The following MYO5B variants were observed in gnomAD, a reference collection of about 807,000 sequenced individuals.
MYO5B encodes unconventional myosin-Vb.
Under a neutral mutation model 229.3 loss-of-function variants are expected in MYO5B, and 143 were observed. That is an observed-to-expected ratio of 0.62 (90% confidence interval 0.54 to 0.72). MYO5B has a LOEUF of 0.72. Ranked by LOEUF, MYO5B falls within the 30% of genes least tolerant of loss-of-function variation. The pLI, the probability that MYO5B is intolerant of heterozygous loss-of-function variation, is 0.00. For missense variants in MYO5B, 2,321 were observed against 2,331.0 expected (o/e 1.00, Z 0.09); for synonymous variants, 918 against 885.2 (o/e 1.04, Z -0.66).
chr18:49,909,809 G>A (rs930192849), intron 18 of MYO5B, among the ~76,000 whole-genome samples: 1 of 152,216 alleles, frequency 6.6e-6, no homozygotes, highest in Non-Finnish European at 1.5e-5. Flanking sequence ...GCAGGCAAAA[G>A]AGGGGAAAAA....
intron 38 of MYO5B, 34 bp downstream of exon 38, chr18:49,836,677 A>C: frequency 6.2e-7 from 1 of 1,613,244 alleles, no homozygotes; most frequent in Non-Finnish European, 8.5e-7. Flanking sequence ...CTTCCTTGGA[A>C]TACCATGTTG....
intron 2 of MYO5B, among the ~76,000 whole-genome samples, chr18:50,052,893 A>G (rs760061039): frequency 6.6e-6 from 1 of 152,154 alleles, no homozygotes; most frequent in Non-Finnish European, 1.5e-5. Context: ...GAGGTTAGGA[A>G]TATCATTGTC....
intron 39 of MYO5B, among the ~76,000 whole-genome samples, chr18:49,827,794 G>T (rs1033324789): frequency 6.6e-6 from 1 of 151,848 alleles, no homozygotes; most frequent in Non-Finnish European, 1.5e-5. Context: ...CAAATCTGAT[G>T]AAAGACATGT....
At chr18:50,123,307 C>T (rs372882308) in intron 1 of MYO5B, among the ~76,000 whole-genome samples, 89 of 152,248 alleles carry the variant, frequency 5.8e-4, no homozygotes, top group African/African-American at 2.0e-3. Context: ...TACAGGTCTC[C>T]TTTGTGGGTT....
chr18:50,017,948 C>T lies in MYO5B; in HGVS notation c.456-16537G>A, dbSNP rs143930104. 2.8e-3 allele frequency among the ~76,000 whole-genome samples: 430 copies of T among 152,234 alleles called. 1 individual carries two copies. The highest frequency in any genetic ancestry group is 4.7e-3 in the Non-Finnish European group (323 of 68,016). ...TTCAAGTGTACTTTAAACACAGAAA[C>T]GAATTTAGGGATTTAAATATGATTA... On this transcript the variant is annotated intron_variant, in intron 4 of 39. Transcript: ENST00000285039.
intron 1 of MYO5B, among the ~76,000 whole-genome samples, chr18:50,068,763 C>A (rs1164701490): frequency 6.6e-6 from 1 of 152,170 alleles, no homozygotes; most frequent in African/African-American, 2.4e-5. Flanking sequence ...AATAGCAAAA[C>A]GGCATTGGAC....
At chr18:50,034,612 C>G (rs2026428090) in intron 4 of MYO5B, among the ~76,000 whole-genome samples, 2 of 152,230 alleles carry the variant, frequency 1.3e-5, no homozygotes, top group South Asian at 4.1e-4. Context: ...GGTGTGGTGG[C>G]AGGCACCTAT....
rs184318358 is a variant in MYO5B at position 50,077,094 on chromosome 18, G to A, written c.28-21716C>T. Among the ~76,000 whole-genome samples, 173 of 137,842 alleles carry A rather than the reference G, an allele frequency of 1.3e-3. No homozygotes were observed. In the East Asian group the frequency reaches 0.02, roughly 16 times the overall value. 90.4% of individuals were successfully genotyped at this position (137,842 alleles called of 152,430 possible). ...AGGATGCCCTTGTTAAAATGTCTTC[G>A]TTTTTAAGAAACAGAATGGGGATAG... is the stretch of plus-strand genomic sequence containing the variant. On this transcript the variant is annotated intron_variant, in intron 1 of 39. Coordinates refer to ENST00000285039, the MANE Select transcript of MYO5B (RefSeq NM_001080467.3).
intron 1 of MYO5B, among the ~76,000 whole-genome samples, chr18:50,174,963 A>G (rs901066448): frequency 2.6e-5 from 4 of 152,174 alleles, no homozygotes; most frequent in African/African-American, 9.7e-5. Context: ...GAGGAGTCTG[A>G]GGGCAGCCAG....
chr18:50,139,855 C>T (rs553269729), intron 1 of MYO5B, among the ~76,000 whole-genome samples: 3 of 152,324 alleles, frequency 2.0e-5, no homozygotes, highest in African/African-American at 7.2e-5. Flanking sequence ...AATACTTTTG[C>T]ACCAACCTAA....
chr18:50,077,508 C>A (rs931280562), intron 1 of MYO5B, among the ~76,000 whole-genome samples: 45 of 112,616 alleles, frequency 4.0e-4, no homozygotes, highest in African/African-American at 2.3e-3. Flanking sequence ...CACAAACACA[C>A]ACACACACAC....
intron 38 of MYO5B, among the ~76,000 whole-genome samples, chr18:49,835,863 C>A (rs1165876496): frequency 6.6e-6 from 1 of 152,170 alleles, no homozygotes; most frequent in African/African-American, 2.4e-5. Flanking sequence ...AGTATTTGAA[C>A]AGGAGATACT....
At chr18:50,170,634 C>A (rs1483468980) in intron 1 of MYO5B, among the ~76,000 whole-genome samples, 1 of 126,554 alleles carries the variant, frequency 7.9e-6, no homozygotes, top group Non-Finnish European at 1.7e-5. Flanking sequence ...CCATTTAACA[C>A]ATAAGAAAAA....
At chr18:50,130,901 A>G (rs1002098240) in intron 1 of MYO5B, among the ~76,000 whole-genome samples, 11 of 152,100 alleles carry the variant, frequency 7.2e-5, no homozygotes, top group African/African-American at 2.7e-4. Flanking sequence ...TATCACCCTA[A>G]CCAAGCTCCT....
chr18:49,906,620 T>C lies in MYO5B; in HGVS notation c.2213A>G (p.Lys738Arg), dbSNP rs779113043. ...GATCTTGGTGCGGCCAAACTGGAAC[T>C]TGTCGGGGTCCTTTACAAGGTAGGG... is the stretch of plus-strand genomic sequence containing the variant. ...VLENLIKDPD[K>R]FQFGRTKIFF... Residue 738 changes from lysine (K) to arginine (R), a missense_variant, in exon 19 of 40, where the codon AAG becomes AGG. By Grantham distance (26) the Lys-to-Arg change is conservative (BLOSUM62 2). Around this residue, in one of 2 missense-constraint regions of MYO5B, gnomAD observed 2,113 missense variants for 2,044.7 expected, o/e 1.03. Coordinates refer to ENST00000285039, the MANE Select transcript of MYO5B (RefSeq NM_001080467.3). 6.2e-7 allele frequency: 1 copy of C among 1,613,772 alleles called. No homozygotes were observed. The highest frequency in any genetic ancestry group is 1.7e-5 in the Admixed American group (1 of 59,998).
At chr18:49,839,407 GCCCT>G (rs1252726908) in intron 35 of MYO5B, 113 bp from the exon 36 acceptor site, 16 of 1,175,798 alleles carry the variant, frequency 1.4e-5, no homozygotes. Context: ...GCCTACTCAG[GCCCT>G]CCCTATGTAG....
Position 50,009,024 on chromosome 18 carries a change from G to A in MYO5B, c.456-7613C>T, listed in dbSNP as rs368454501. 1.5e-4 allele frequency among the ~76,000 whole-genome samples: 23 copies of A among 152,272 alleles called. No homozygotes were observed. In the East Asian group the frequency reaches 3.1e-3, roughly 20 times the overall value. On this transcript the variant is annotated intron_variant, in intron 4 of 39. Transcript: ENST00000285039. ...CCATGGAGAGTATTAATACTTGGAA[G>A]ACAGGGTAGAAAAATACAGTGACAA...
chr18:50,003,050 C>T (rs2026064832), intron 4 of MYO5B, among the ~76,000 whole-genome samples: 1 of 152,074 alleles, frequency 6.6e-6, no homozygotes. Context: ...AGGGAATGGT[C>T]CAATTAGAGA....
chr18:49,954,560 C>A, intron 12 of MYO5B, 125 bp from the exon 13 acceptor site: 1 of 1,224,914 alleles, frequency 8.2e-7, no homozygotes, highest in Non-Finnish European at 1.2e-6. Context: ...GAACCAGGAC[C>A]TTAACTGGAC....
Sources: gnomAD v4.1 joint callset for allele counts (sites outside exome capture counted in the v4.1 genomes callset) on GRCh38, gnomAD v4.1.1 for gene constraint, gnomAD v4.1.1 regional missense constraint, MANE v1.5 for transcripts, NCBI Gene and HGNC (gene_info 2026-07-23, HGNC 2026-07-21) for gene names.